Variants in FIBCD1 observed in about 807,000 individuals in gnomAD.
The protein encoded by FIBCD1 is fibrinogen C domain-containing protein 1.
A neutral mutation model predicts 45.1 loss-of-function variants in FIBCD1; 47 were observed. That is an observed-to-expected ratio of 1.04 (90% CI 0.82 to 1.33). The LOEUF (loss-of-function observed/expected upper bound fraction) is 1.33. Among genes scored for constraint, FIBCD1 ranks in the 40% most tolerant of loss-of-function variants. The pLI is 0.00. For synonymous variants in FIBCD1, 313 were observed against 308.1 expected (o/e 1.02, Z -0.17); for missense variants, 653 against 682.2 (o/e 0.96, Z 0.48).
intron 1 of FIBCD1, among the ~76,000 whole-genome samples, chr9:130,931,251 C>T (rs1832444624): frequency 6.6e-6 from 1 of 152,234 alleles, no homozygotes; most frequent in Non-Finnish European, 1.5e-5. Flanking sequence ...TAGCTCACGC[C>T]TGTAAGCCCA....
In FIBCD1 at chr9:130,904,229, A is replaced by G; in HGVS notation, c.1221T>C (p.Gly407=). 6.2e-7 allele frequency: 1 copy of G among 1,613,516 alleles called. No homozygotes were observed. The highest frequency in any genetic ancestry group is 8.5e-7 in the Non-Finnish European group (1 of 1,179,900). ...TGTGGCAGTTGCGGTACCACCAGGC[A>G]CCGCGGTAGAAGGCGGCACAGTTGT... is the stretch of plus-strand genomic sequence containing the variant. ...SENNCAAFYR[G]AWWYRNCHTS... The change falls in exon 7 of 7, where the codon GGT becomes GGC. Residue 407 remains glycine (G), a synonymous_variant. Transcript: ENST00000372338.
At chr9:130,915,670 C>T (rs554433317) in intron 4 of FIBCD1, among the ~76,000 whole-genome samples, 3 of 152,258 alleles carry the variant, frequency 2.0e-5, no homozygotes, top group Admixed American at 6.5e-5. Context: ...CCACTGCACT[C>T]CAACCTGAGT....
At position 130,929,566 on chromosome 9, in the gene FIBCD1, C is replaced by T. The variant is rs1469032467; in HGVS notation, c.552+1G>A. The T allele has an allele frequency of 4.0e-6, 6 of 1,502,490 alleles. No homozygotes were observed. Among genetic ancestry groups the T allele is most frequent in the Admixed American group, 2.3e-5 (1 of 42,886 alleles). 93.1% of individuals were successfully genotyped at this position (1,502,490 alleles called of 1,614,324 possible). The stretch of plus-strand genomic sequence containing the variant: ...CCCCAAGATGCAGACCCCAGCCCTA[C>T]CTGGATGAGGCGGCCCTGCTCACTC... On this transcript the variant is annotated splice_donor_variant, in intron 2 of 6. Transcript: ENST00000372338. LOFTEE classifies it high-confidence loss of function.
chr9:130,927,241 GA>G (rs755793834), intron 2 of FIBCD1, among the ~76,000 whole-genome samples: 165 of 138,246 alleles, frequency 1.2e-3, no homozygotes, highest in South Asian at 9.0e-3. Context: ...AGACTGTCTC[GA>G]AAAAAAAAAA....
chr9:130,935,750 C>T (rs1397524942), intron 1 of FIBCD1, among the ~76,000 whole-genome samples: 1 of 152,146 alleles, frequency 6.6e-6, no homozygotes, highest in African/African-American at 2.4e-5. Flanking sequence ...CCAAGAAGAC[C>T]CAGGTTTGAG....
At chr9:130,929,135 G>A (rs576471367) in intron 2 of FIBCD1, among the ~76,000 whole-genome samples, 105 of 152,272 alleles carry the variant, frequency 6.9e-4, no homozygotes, top group Admixed American at 1.2e-3. Flanking sequence ...GGGGTATGGA[G>A]AGATGGGGTG....
intron 5 of FIBCD1, among the ~76,000 whole-genome samples, chr9:130,905,940 T>C (rs1440108330): frequency 6.6e-6 from 1 of 152,148 alleles, no homozygotes; most frequent in Non-Finnish European, 1.5e-5. Flanking sequence ...CTGTGGGTAT[T>C]TATCTTTCAG....
intron 4 of FIBCD1, among the ~76,000 whole-genome samples, chr9:130,921,807 A>G (rs1287210661): frequency 6.6e-6 from 1 of 152,216 alleles, no homozygotes; most frequent in African/African-American, 2.4e-5. Flanking sequence ...TTAGGAAAAC[A>G]AAAGAGCTTT....
At position 130,903,716 on chromosome 9, in the gene FIBCD1, G is replaced by A; in HGVS notation, c.*348C>T. 2.3e-6 allele frequency: 1 copy of A among 429,676 alleles called. No homozygotes were observed. Among genetic ancestry groups the A allele is most frequent in the Non-Finnish European group, 4.4e-6 (1 of 227,754 alleles). The allele number at this position is 429,676 out of a possible 1,614,324, so 26.6% of individuals were successfully genotyped here. A position where few individuals can be genotyped will look rare whatever the true frequency, so the allele number is the denominator to read the frequency against. On this transcript the variant is annotated 3_prime_UTR_variant, in exon 7 of 7. Coordinates refer to ENST00000372338, the MANE Select transcript of FIBCD1 (RefSeq NM_032843.5). ...CCCATAATGCCGGGTATTTGGCCGG[G>A]CAGGGCAGAGGGTGCCTGGGGCAGA... is the stretch of plus-strand genomic sequence containing the variant.
At chr9:130,924,199 C>A in intron 3 of FIBCD1, 38 bp downstream of exon 3, 1 of 1,525,310 alleles carries the variant, frequency 6.6e-7, no homozygotes, top group South Asian at 1.3e-5. Flanking sequence ...GAGCTGGGAC[C>A]CGAGGCACCG....
intron 2 of FIBCD1, among the ~76,000 whole-genome samples, chr9:130,928,291 C>A (rs1832390002): frequency 6.6e-6 from 1 of 152,172 alleles, no homozygotes; most frequent in Admixed American, 6.5e-5. Context: ...ACTCTGGGGT[C>A]CCTCCTTCTA....
intron 1 of FIBCD1, among the ~76,000 whole-genome samples, chr9:130,935,649 C>T (rs531691293): frequency 2.0e-5 from 3 of 152,210 alleles, no homozygotes; most frequent in Non-Finnish European, 4.4e-5. Flanking sequence ...CCCTGAGAAC[C>T]ACACAGCCTG....
At chr9:130,910,745 G>A (rs202116899) in intron 5 of FIBCD1, among the ~76,000 whole-genome samples, 1 of 151,438 alleles carries the variant, frequency 6.6e-6, no homozygotes, top group Non-Finnish European at 1.5e-5. Context: ...TCTGTATCTA[G>A]CTGCTCTGGT....
chr9:130,938,454 G>A (rs1175912457), intron 1 of FIBCD1, 82 bp downstream of exon 1: 2 of 1,236,908 alleles, frequency 1.6e-6, no homozygotes, highest in East Asian at 3.2e-5. Flanking sequence ...TCCAGCCCCC[G>A]CAATGGGTGC....
intron 4 of FIBCD1, among the ~76,000 whole-genome samples, chr9:130,914,506 G>A (rs73557878): frequency 0.14 from 20,801 of 152,236 alleles, 3,285 homozygotes; most frequent in African/African-American, 0.39. Flanking sequence ...CCTGCTGGGC[G>A]GGGCAGAAAA....
intron 5 of FIBCD1, among the ~76,000 whole-genome samples, chr9:130,908,254 G>A (rs1831971089): frequency 6.6e-6 from 1 of 152,250 alleles, no homozygotes; most frequent in Non-Finnish European, 1.5e-5. Flanking sequence ...CGGCAGAGGA[G>A]GGACTGGCGC....
chr9:130,932,692 C>A (rs1048427972), intron 1 of FIBCD1, among the ~76,000 whole-genome samples: 42 of 152,226 alleles, frequency 2.8e-4, no homozygotes, highest in Non-Finnish European at 5.1e-4. Flanking sequence ...GTGCTCCCCC[C>A]GTTAGGGTGC....
intron 4 of FIBCD1, among the ~76,000 whole-genome samples, chr9:130,919,242 T>C: frequency 6.6e-6 from 1 of 152,170 alleles, no homozygotes; most frequent in Admixed American, 6.5e-5. Context: ...GAAGGAAATG[T>C]GAGGGTGTTG....
upstream of FIBCD1, among the ~76,000 whole-genome samples, chr9:130,939,511 G>T (rs990206560): frequency 6.6e-6 from 1 of 151,914 alleles, no homozygotes; most frequent in Non-Finnish European, 1.5e-5. Flanking sequence ...GTCCGCGTCC[G>T]CAGACCCGTG....
Sources: gnomAD v4.1 joint callset for allele counts (sites outside exome capture counted in the v4.1 genomes callset) on GRCh38, gnomAD v4.1.1 for gene constraint, MANE v1.5 for transcripts, NCBI Gene and HGNC (gene_info 2026-07-23, HGNC 2026-07-21) for gene names.